The following HSP90AA1 variants were observed in gnomAD, a reference collection of about 807,000 sequenced individuals.
HSP90AA1 encodes the protein heat shock protein HSP 90-alpha.
In HSP90AA1, 18 loss-of-function variants were observed where a neutral mutation model predicts 73.3. The ratio of observed to expected loss-of-function variants is 0.25; its 90% CI spans 0.17 to 0.36. The LOEUF is 0.36. Among genes scored for constraint, HSP90AA1 ranks in the 10% least tolerant of loss-of-function variants. HSP90AA1 has a pLI of 1.00. For missense variants in HSP90AA1, 704 were observed against 874.2 expected (o/e 0.81, Z 2.45); for synonymous variants, 477 against 296.9 (o/e 1.61, Z -6.24).
intron 2 of HSP90AA1, among the ~76,000 whole-genome samples, chr14:102,097,980 T>G (rs2049445750): frequency 6.6e-6 from 1 of 152,028 alleles, no homozygotes; most frequent in Admixed American, 6.6e-5. Context: ...ACCTCTGCTC[T>G]CATGCTGTTC....
At chr14:102,133,388 T>G (rs535962295) in intron 1 of HSP90AA1, among the ~76,000 whole-genome samples, 1 of 152,334 alleles carries the variant, frequency 6.6e-6, no homozygotes, top group South Asian at 2.1e-4. Flanking sequence ...AGTTCAAACA[T>G]TCCCTGAAGC....
At chr14:102,090,632 A>G (rs568719513), upstream of HSP90AA1, among the ~76,000 whole-genome samples, 18 of 151,910 alleles carry the variant, frequency 1.2e-4, no homozygotes, top group African/African-American at 4.3e-4. Flanking sequence ...TGTATTCTTT[A>G]AGTAGAGAGG....
At chr14:102,086,470 G>T (rs1048203462) in intron 1 of HSP90AA1, 92 bp from the exon 2 acceptor site, 3 of 1,420,450 alleles carry the variant, frequency 2.1e-6, no homozygotes, top group Admixed American at 3.4e-5. Context: ...TTTTAAAGCC[G>T]AATTGGAGAT....
chr14:102,088,548 A>G (rs2049303538), upstream of HSP90AA1, among the ~76,000 whole-genome samples: 1 of 152,188 alleles, frequency 6.6e-6, no homozygotes, highest in East Asian at 1.9e-4. Flanking sequence ...AGTGGAAGGA[A>G]ACTAGCAGCC....
chr14:102,094,281 G>A (rs1272949186), intron 2 of HSP90AA1, among the ~76,000 whole-genome samples: 1 of 152,198 alleles, frequency 6.6e-6, no homozygotes, highest in Non-Finnish European at 1.5e-5. Context: ...ACATTGATAA[G>A]CCAGAAATGG....
At chr14:102,105,317 G>A (rs891056155) in intron 1 of HSP90AA1, among the ~76,000 whole-genome samples, 8 of 151,730 alleles carry the variant, frequency 5.3e-5, no homozygotes, top group South Asian at 2.1e-4. Flanking sequence ...CCAGTTCCTC[G>A]TCCTGGGAGC....
intron 1 of HSP90AA1, among the ~76,000 whole-genome samples, chr14:102,135,371 TAC>T (rs1478150375): frequency 1.3e-5 from 2 of 152,216 alleles, no homozygotes; most frequent in Non-Finnish European, 2.9e-5. Flanking sequence ...AGTAGCTAGA[TAC>T]AGAGTGTGGA....
chr14:102,135,249 A>G (rs1231083943), intron 1 of HSP90AA1, among the ~76,000 whole-genome samples: 1 of 151,702 alleles, frequency 6.6e-6, no homozygotes, highest in Non-Finnish European at 1.5e-5. Context: ...ACCTTGAGCT[A>G]AACACAGGGT....
In HSP90AA1 at chr14:102,081,903, T is replaced by A; in HGVS notation, c.2090-82A>T. Reference sequence around the variant, plus strand: ...GTAATACTCTTGGTTTCTATCTGCTTTCAAGACAGTATTACAGGACATATG... The same window carrying A: ...GTAATACTCTTGGTTTCTATCTGCTATCAAGACAGTATTACAGGACATATG... On this transcript the variant is annotated intron_variant, in intron 10 of 10. Coordinates refer to ENST00000216281, the MANE Select transcript of HSP90AA1 (RefSeq NM_005348.4). 5 of 819,218 alleles carry A rather than the reference T, an allele frequency of 6.1e-6. No individual in the cohort carries two copies. The Middle Eastern group carries it at 6.6e-4, about 109-fold the overall frequency. 50.7% of individuals were successfully genotyped at this position (819,218 alleles called of 1,614,324 possible).
chr14:102,097,649 G>C (rs925973573), intron 2 of HSP90AA1, among the ~76,000 whole-genome samples: 1 of 152,360 alleles, frequency 6.6e-6, no homozygotes, highest in East Asian at 1.9e-4. Context: ...CCCTCGAGGT[G>C]GGGTGGGTTA....
upstream of HSP90AA1, among the ~76,000 whole-genome samples, chr14:102,087,346 C>T (rs148703891): frequency 0.013 from 1,982 of 151,380 alleles, 21 homozygotes; most frequent in Middle Eastern, 0.041. Flanking sequence ...GTCCGGGCGC[C>T]TTCTGGGGCC....
At chr14:102,086,894 C>G (rs1475213875) in intron 1 of HSP90AA1, 92 bp downstream of exon 1, 1 of 748,308 alleles carries the variant, frequency 1.3e-6, no homozygotes, top group Non-Finnish European at 1.6e-6. Flanking sequence ...CTTCAGGGAT[C>G]TGGTCCGGCC....
At chr14:102,124,353 AGCTAATTT>A (rs1259432398) in intron 1 of HSP90AA1, among the ~76,000 whole-genome samples, 1 of 151,078 alleles carries the variant, frequency 6.6e-6, no homozygotes, top group East Asian at 2.0e-4. Context: ...CACCATGCCC[AGCTAATTT>A]TTGTGTTTTT....
At chr14:102,082,515 T>C in intron 9 of HSP90AA1, 71 bp from the exon 10 acceptor site, 1 of 1,225,082 alleles carries the variant, frequency 8.2e-7, no homozygotes, top group Middle Eastern at 1.9e-4. Context: ...AAATGAAATC[T>C]GTAGAACCCA....
intron 1 of HSP90AA1, among the ~76,000 whole-genome samples, chr14:102,109,792 T>C (rs2049614885): frequency 6.6e-6 from 1 of 152,060 alleles, no homozygotes; most frequent in African/African-American, 2.4e-5. Flanking sequence ...GACAGGAAAA[T>C]GTAGGAAAGT....
At chr14:102,086,447 G>T in intron 1 of HSP90AA1, 69 bp from the exon 2 acceptor site, 1 of 1,526,598 alleles carries the variant, frequency 6.6e-7, no homozygotes, top group Non-Finnish European at 9.1e-7. Context: ...ATTCCATCGC[G>T]TTCTCCAAAT....
chr14:102,083,384 A>G (rs1417581131), intron 8 of HSP90AA1, 82 bp from the exon 9 acceptor site: 3 of 1,508,392 alleles, frequency 2.0e-6, no homozygotes, highest in East Asian at 2.3e-5. Context: ...TGCTAGCCAG[A>G]TACCTAGGCA....
intron 1 of HSP90AA1, among the ~76,000 whole-genome samples, chr14:102,108,558 GGA>G (rs1246609149): frequency 2.5e-5 from 3 of 120,462 alleles, no homozygotes; most frequent in Non-Finnish European, 3.3e-5. Flanking sequence ...TTTTTGAGAT[GGA>G]GTCTTGCCCT....
At chr14:102,114,663 G>GGCA (rs1555363696) in intron 1 of HSP90AA1, among the ~76,000 whole-genome samples, 25 of 152,250 alleles carry the variant, frequency 1.6e-4, no homozygotes, top group African/African-American at 4.8e-4. Context: ...CCATTTTCAA[G>GGCA]AGACTACTCT....
Sources: gnomAD v4.1 joint callset for allele counts (sites outside exome capture counted in the v4.1 genomes callset) on GRCh38, gnomAD v4.1.1 for gene constraint, MANE v1.5 for transcripts, NCBI Gene and HGNC (gene_info 2026-07-23, HGNC 2026-07-21) for gene names.